The following EHMT1 variants were observed in gnomAD, a reference collection of about 807,000 sequenced individuals.
EHMT1 encodes the protein histone-lysine N-methyltransferase EHMT1.
Under a neutral mutation model 147.2 loss-of-function variants are expected in EHMT1, and 15 were observed. That is an observed-to-expected ratio of 0.10 (90% CI 0.07 to 0.16). EHMT1 has a LOEUF of 0.16. Ranked by LOEUF, EHMT1 falls within the 10% of genes least tolerant of loss-of-function variation. EHMT1 has a pLI of 1.00. For synonymous variants in EHMT1, 795 were observed against 709.6 expected, an observed-to-expected ratio of 1.12 and a Z score of -1.91; for missense variants, 1,587 against 1,772.4, an observed-to-expected ratio of 0.90 and a Z score of 1.88.
intron 3 of EHMT1, among the ~76,000 whole-genome samples, chr9:137,726,274 C>T (rs1413727587): frequency 6.6e-6 from 1 of 152,234 alleles, no homozygotes; most frequent in Admixed American, 6.5e-5. Flanking sequence ...ACACTGACTT[C>T]CCATTCCTCT....
At chr9:137,658,308 AC>A (rs1211176179) in intron 1 of EHMT1, among the ~76,000 whole-genome samples, 2 of 151,754 alleles carry the variant, frequency 1.3e-5, no homozygotes, top group African/African-American at 2.4e-5. Context: ...GTGCCTCCAC[AC>A]CCGGTTAATT....
intron 3 of EHMT1, among the ~76,000 whole-genome samples, chr9:137,724,895 A>ATTC (rs1491314996): frequency 0.026 from 3,569 of 139,668 alleles, 135 homozygotes; most frequent in African/African-American, 0.099. Context: ...TTCGTGGGAC[A>ATTC]GATGTGGCAT....
At chr9:137,698,600 C>T (rs1044860536) in intron 1 of EHMT1, among the ~76,000 whole-genome samples, 1 of 152,100 alleles carries the variant, frequency 6.6e-6, no homozygotes, top group African/African-American at 2.4e-5. Flanking sequence ...GGCAGGGGTC[C>T]TTCCTGCCAG....
intron 25 of EHMT1, among the ~76,000 whole-genome samples, chr9:137,819,551 G>A (rs112450814): frequency 2.6e-3 from 67 of 26,048 alleles, no homozygotes; most frequent in East Asian, 5.4e-3. Context: ...GAGGGGCGCC[G>A]TGTACCGAGA....
At chr9:137,724,822 G>A (rs151231643) in intron 3 of EHMT1, among the ~76,000 whole-genome samples, 12 of 151,972 alleles carry the variant, frequency 7.9e-5, no homozygotes, top group Admixed American at 5.9e-4. Context: ...TGTGGCATTC[G>A]TGTGGTAGAC....
chr9:137,779,685 A>G lies in EHMT1; in HGVS notation c.2243A>G (p.Gln748Arg). ...AAGCAGCTGTACTTCTCCGCCAGGCAAGGGGAGCTTCAGAAGGTGCTCCTC... is the reference window on the plus strand; with the variant it reads ...AAGCAGCTGTACTTCTCCGCCAGGCGAGGGGAGCTTCAGAAGGTGCTCCTC... Reference protein sequence around the residue: ...HPKQLYFSARQGELQKVLLML... With the variant: ...HPKQLYFSARRGELQKVLLML... Residue 748 changes from glutamine to arginine, a missense_variant, in exon 14 of 27, where the codon CAA becomes CGA. Around this residue, in one of 7 missense-constraint regions of EHMT1, gnomAD observed 201 missense variants for 350.1 expected, o/e 0.57. Transcript: ENST00000460843. 1 of 1,613,882 alleles carries G rather than the reference A, an allele frequency of 6.2e-7. No individual in the cohort carries two copies. Among genetic ancestry groups the G allele is most frequent in the Non-Finnish European group, 8.5e-7 (1 of 1,180,052 alleles).
chr9:137,638,613 T>C lies in EHMT1; in HGVS notation c.21+19564T>C, dbSNP rs545052619. On this transcript the variant is annotated intron_variant, in intron 1 of 26. Transcript: ENST00000460843. ...ATAAATTGCATTCCCCTAAAAAATA[T>C]GTTGAAGTCCTAAACCCCATACTTC... Among the ~76,000 whole-genome samples, 169 of 152,300 alleles carry C rather than the reference T, an allele frequency of 1.1e-3. 2 individuals carry two copies. Among genetic ancestry groups the C allele is most frequent in the African/African-American group, 4.0e-3 (167 of 41,576 alleles).
intron 15 of EHMT1, among the ~76,000 whole-genome samples, chr9:137,783,137 ATTTGGTGCATGTGCTGTGCCC>A (rs1951698184): frequency 6.6e-6 from 1 of 152,162 alleles, no homozygotes. Flanking sequence ...CCACTGGGGC[ATTTGGTGCATGTGCTGTGCCC>A]TTTCAGTGCA....
At chr9:137,771,745 C>G (rs1054163359) in intron 10 of EHMT1, among the ~76,000 whole-genome samples, 1 of 152,172 alleles carries the variant, frequency 6.6e-6, no homozygotes, top group Non-Finnish European at 1.5e-5. Context: ...TTTGTCTGTT[C>G]ATGCTTGCTC....
At chr9:137,827,610 G>A (rs1292075080) in intron 25 of EHMT1, among the ~76,000 whole-genome samples, 2 of 152,180 alleles carry the variant, frequency 1.3e-5, no homozygotes, top group Non-Finnish European at 2.9e-5. Context: ...TGGGGCTACA[G>A]GGACCCCAAG....
chr9:137,671,555 C>T (rs1025901721), intron 1 of EHMT1, among the ~76,000 whole-genome samples: 14 of 113,696 alleles, frequency 1.2e-4, no homozygotes, highest in East Asian at 5.6e-4. Flanking sequence ...GACAGAGTTT[C>T]GCTCTGTCTT....
chr9:137,703,662 G>T (rs976167408), intron 1 of EHMT1, among the ~76,000 whole-genome samples: 2 of 152,092 alleles, frequency 1.3e-5, no homozygotes, highest in Middle Eastern at 3.2e-3. Flanking sequence ...GACCTCCTCA[G>T]CTTGGACTTC....
At chr9:137,746,916 T>C (rs971893423) in intron 6 of EHMT1, 1 of 152,064 alleles carries the variant, frequency 6.6e-6, no homozygotes, top group African/African-American at 2.4e-5. Context: ...AAACATTAAA[T>C]GACTGTCAAG....
chr9:137,717,387 G>A, intron 3 of EHMT1: 2 of 704,242 alleles, frequency 2.8e-6, no homozygotes, highest in Non-Finnish European at 4.7e-6. Context: ...TGGATTGCTT[G>A]AGCCTAGGAG....
intron 1 of EHMT1, among the ~76,000 whole-genome samples, chr9:137,688,797 A>G (rs1257115117): frequency 2.6e-5 from 4 of 152,208 alleles, no homozygotes; most frequent in Admixed American, 6.5e-5. Context: ...GGTTGGTGTC[A>G]TATCACTGCA....
intron 1 of EHMT1, among the ~76,000 whole-genome samples, chr9:137,640,432 A>G (rs942532843): frequency 2.0e-5 from 3 of 151,974 alleles, no homozygotes; most frequent in Non-Finnish European, 2.9e-5. Context: ...ATCTGCCACT[A>G]TGTCCAGCTA....
At chr9:137,734,581 C>A (rs562137602) in intron 4 of EHMT1, among the ~76,000 whole-genome samples, 63 of 152,276 alleles carry the variant, frequency 4.1e-4, no homozygotes, top group Admixed American at 7.2e-4. Flanking sequence ...TGATGAAACC[C>A]ATGAGTATAA....
At position 137,658,804 on chromosome 9, in the gene EHMT1, T is replaced by G. The variant is rs566390703; in HGVS notation, c.21+39755T>G. ...TTTTTAAAAAATTATGTGTGTGTGTTTGTAGAAACAAGGTCTCACTGTGTT... is the reference window on the plus strand; with the variant it reads ...TTTTTAAAAAATTATGTGTGTGTGTGTGTAGAAACAAGGTCTCACTGTGTT... On this transcript the variant is annotated intron_variant, in intron 1 of 26. Coordinates refer to ENST00000460843, the MANE Select transcript of EHMT1 (RefSeq NM_024757.5). Among the ~76,000 whole-genome samples the G allele has an allele frequency of 7.2e-5, 11 of 152,124 alleles. No homozygotes were observed. The South Asian group carries it at 1.7e-3, about 23-fold the overall frequency.
At chr9:137,779,595 G>C (rs749178404) in intron 13 of EHMT1, 40 bp from the exon 14 acceptor site, 1 of 1,609,638 alleles carries the variant, frequency 6.2e-7, no homozygotes. Context: ...TGTGTGGGAT[G>C]CAGAGCCCCA....
Sources: gnomAD v4.1 joint callset for allele counts (sites outside exome capture counted in the v4.1 genomes callset) on GRCh38, gnomAD v4.1.1 for gene constraint, gnomAD v4.1.1 regional missense constraint, MANE v1.5 for transcripts, NCBI Gene and HGNC (gene_info 2026-07-23, HGNC 2026-07-21) for gene names.